Variants in WASF2 observed in about 807,000 individuals in gnomAD.
WASF2 encodes the protein actin-binding protein WASF2.
Under a neutral mutation model 45.0 loss-of-function variants are expected in WASF2, and 14 were observed. The ratio of observed to expected loss-of-function variants is 0.31; its 90% confidence interval spans 0.21 to 0.49. The LOEUF (loss-of-function observed/expected upper bound fraction) is 0.49. WASF2 is among the 20% of genes least tolerant of loss of function. The pLI is 0.99. For synonymous variants in WASF2, 200 were observed against 236.3 expected (o/e 0.85, Z 1.41); for missense variants, 439 against 636.1 (o/e 0.69, Z 3.33).
chr1:27,485,060 G>A (rs922575790), intron 1 of WASF2, among the ~76,000 whole-genome samples: 2 of 151,992 alleles, frequency 1.3e-5, no homozygotes, highest in Non-Finnish European at 2.9e-5. Flanking sequence ...TGAGGCAGGA[G>A]AATTGTTTGA....
Position 27,410,346 on chromosome 1 carries a change from C to T in WASF2, c.825-140G>A. The T allele has an allele frequency of 6.9e-7, 1 of 1,446,164 alleles. No individual in the cohort carries two copies. Among genetic ancestry groups the T allele is most frequent in the Non-Finnish European group, 9.1e-7 (1 of 1,094,464 alleles). 89.6% of individuals were successfully genotyped at this position (1,446,164 alleles called of 1,614,324 possible). A position where few individuals can be genotyped will look rare whatever the true frequency, so the allele number is the denominator to read the frequency against. On this transcript the variant is annotated intron_variant, in intron 7 of 8. Coordinates refer to ENST00000618852, the MANE Select transcript of WASF2 (RefSeq NM_006990.5). The surrounding 1 kb of genome is among the most constrained non-coding windows in gnomAD (Gnocchi z 4.2). Reference sequence around the variant, plus strand: ...TCACTTAAACAGAAAGAAAAGCCTACAGATGGTCATAACAGACCAATAATG... The same window carrying T: ...TCACTTAAACAGAAAGAAAAGCCTATAGATGGTCATAACAGACCAATAATG...
chr1:27,421,420 G>A (rs2016906445), intron 2 of WASF2, among the ~76,000 whole-genome samples: 1 of 152,174 alleles, frequency 6.6e-6, no homozygotes, highest in Admixed American at 6.5e-5. Context: ...GCTCATGCCT[G>A]TAATCCCATC....
At chr1:27,444,766 CAA>C (rs2017290118) in intron 1 of WASF2, among the ~76,000 whole-genome samples, 2 of 152,194 alleles carry the variant, frequency 1.3e-5, no homozygotes, top group Admixed American at 1.3e-4. Flanking sequence ...CAATCACAGT[CAA>C]GAGTCAATCC....
chr1:27,480,880 G>A (rs1190725919), intron 1 of WASF2, among the ~76,000 whole-genome samples: 1 of 151,608 alleles, frequency 6.6e-6, no homozygotes, highest in South Asian at 2.1e-4. Context: ...GTGGTGGCAG[G>A]CGCCTGTAGT....
rs750723314 is a variant in WASF2, at chr1:27,405,730, G to A, written c.*2459C>T. 2.6e-5 allele frequency: 4 copies of A among 151,412 alleles called. No homozygotes were observed. The highest frequency in any genetic ancestry group is 1.3e-4 in the Admixed American group (2 of 15,158). 9.4% of individuals were successfully genotyped at this position (151,412 alleles called of 1,614,324 possible). On this transcript the variant is annotated 3_prime_UTR_variant, in exon 9 of 9. Transcript: ENST00000618852. The stretch of plus-strand genomic sequence containing the variant: ...TTCGCAAGGCCGGCTGCTACAAAGT[G>A]CCGAGCTTGGCTGCATAGATTTTAA...
intron 1 of WASF2, among the ~76,000 whole-genome samples, chr1:27,450,501 T>G (rs2017369995): frequency 6.6e-6 from 1 of 151,962 alleles, no homozygotes; most frequent in Non-Finnish European, 1.5e-5. Flanking sequence ...TCTCCCAGAC[T>G]CTTTTTTGTT....
intron 1 of WASF2, among the ~76,000 whole-genome samples, chr1:27,470,356 T>TG (rs2017672725): frequency 6.6e-6 from 1 of 152,018 alleles, no homozygotes; most frequent in Non-Finnish European, 1.5e-5. Flanking sequence ...AGAATGGAGC[T>TG]GGGGAGGGGG....
At chr1:27,461,607 C>A (rs2017545971) in intron 1 of WASF2, among the ~76,000 whole-genome samples, 1 of 151,888 alleles carries the variant, frequency 6.6e-6, no homozygotes, top group Non-Finnish European at 1.5e-5. Context: ...GGACTACAGG[C>A]GCCCGCCACC....
intron 1 of WASF2, among the ~76,000 whole-genome samples, chr1:27,444,130 C>T (rs2017282749): frequency 6.6e-6 from 1 of 152,064 alleles, no homozygotes; most frequent in Non-Finnish European, 1.5e-5. Context: ...ACTCACGCTG[C>T]AGTGCAGTGG....
At chr1:27,436,338 CAG>C (rs1001019373) in intron 1 of WASF2, among the ~76,000 whole-genome samples, 13 of 152,012 alleles carry the variant, frequency 8.6e-5, no homozygotes, top group Admixed American at 7.2e-4. Context: ...CCCAGCTACT[CAG>C]GGGGCTCAGG....
intron 1 of WASF2, among the ~76,000 whole-genome samples, chr1:27,461,362 C>G (rs1482565730): frequency 1.3e-5 from 2 of 151,804 alleles, no homozygotes; most frequent in South Asian, 2.1e-4. Flanking sequence ...TTAATTAAGA[C>G]AGGGTCTCAC....
At chr1:27,488,862 C>T (rs1363876970) in intron 1 of WASF2, among the ~76,000 whole-genome samples, 2 of 152,164 alleles carry the variant, frequency 1.3e-5, no homozygotes, top group Admixed American at 6.5e-5. Context: ...CTTTACTGTG[C>T]GACCTTGGGC....
chr1:27,452,118 T>A (rs968314827), intron 1 of WASF2, among the ~76,000 whole-genome samples: 2 of 152,230 alleles, frequency 1.3e-5, no homozygotes, highest in Non-Finnish European at 1.5e-5. Context: ...AAAATGTGTT[T>A]ATTTGCAAAA....
At chr1:27,440,537 G>A (rs572538788) in intron 1 of WASF2, among the ~76,000 whole-genome samples, 7 of 149,996 alleles carry the variant, frequency 4.7e-5, no homozygotes, top group South Asian at 2.1e-4. Flanking sequence ...AAAAAAAAGC[G>A]ATGTTAAAAT....
At chr1:27,478,275 CA>C (rs765416697) in intron 1 of WASF2, among the ~76,000 whole-genome samples, 1,206 of 49,898 alleles carry the variant, frequency 0.024, 1 homozygote, top group East Asian at 0.047. Flanking sequence ...AATAGCAAAG[CA>C]AAAAAAAAAA....
chr1:27,425,441 G>A (rs1034749985), intron 2 of WASF2, among the ~76,000 whole-genome samples: 7 of 152,162 alleles, frequency 4.6e-5, no homozygotes, highest in Admixed American at 6.5e-5. Context: ...GGTGGATCAC[G>A]CCTGTAATCC....
In WASF2 at chr1:27,415,978, C is replaced by T. The variant is rs532952093; in HGVS notation, c.537+7G>A. ...GATGTGGAGAACAGAGGCCCCTTTC[C>T]CCTCACCCTATGCTTTCTCTTCTCT... On this transcript the variant is annotated splice_region_variant and intron_variant, in intron 5 of 8. Transcript: ENST00000618852. 85 of 1,610,674 alleles carry T rather than the reference C, an allele frequency of 5.3e-5. 1 individual carries two copies. In the South Asian group the frequency reaches 7.5e-4, roughly 14 times the overall value.
intron 1 of WASF2, among the ~76,000 whole-genome samples, chr1:27,486,028 T>C (rs1201547335): frequency 6.6e-6 from 1 of 152,072 alleles, no homozygotes. Context: ...AAGTTTTACC[T>C]ATAGAGATCT....
At chr1:27,411,899 G>GA (rs2016765933) in intron 7 of WASF2, among the ~76,000 whole-genome samples, 1 of 152,176 alleles carries the variant, frequency 6.6e-6, no homozygotes, top group African/African-American at 2.4e-5. Flanking sequence ...TAAAGTTAAG[G>GA]AAAAAACAAG....
Sources: allele counts gnomAD v4.1 joint callset (sites outside exome capture counted in the v4.1 genomes callset), GRCh38; gene constraint gnomAD v4.1.1; non-coding constraint Gnocchi (gnomAD v3.1); transcripts MANE v1.5; gene names NCBI Gene and HGNC (gene_info 2026-07-23, HGNC 2026-07-21).